The following HOOK3 variants were observed in gnomAD, a reference collection of about 807,000 sequenced individuals.
HOOK3 encodes the protein hook microtubule tethering protein 3, also known as protein Hook homolog 3.
In HOOK3, 24 loss-of-function variants were observed where a neutral mutation model predicts 116.3. The observed-to-expected ratio is 0.21, with a 90% CI of 0.15 to 0.29. HOOK3 has a LOEUF of 0.29. Ranked by LOEUF, HOOK3 falls within the 10% of genes least tolerant of loss-of-function variation. HOOK3 has a pLI of 1.00. For missense variants in HOOK3, 632 were observed against 830.2 expected, an observed-to-expected ratio of 0.76 and a Z score of 2.93; for synonymous variants, 275 against 283.0, an observed-to-expected ratio of 0.97 and a Z score of 0.28.
chr8:42,945,730 T>A (rs1393871933), intron 5 of HOOK3, among the ~76,000 whole-genome samples: 1 of 152,202 alleles, frequency 6.6e-6, no homozygotes, highest in Admixed American at 6.5e-5. Flanking sequence ...ATTTATTTTA[T>A]CAATAAATGG....
Position 42,997,657 on chromosome 8 carries a change from A to G in HOOK3, c.1620+20A>G. Reference sequence around the variant, plus strand: ...GAAGATGTAAGTTTTAATATGTACCAACGATGGTCCATCAGTTTCACAATG... The same window carrying G: ...GAAGATGTAAGTTTTAATATGTACCGACGATGGTCCATCAGTTTCACAATG... On this transcript the variant is annotated intron_variant, in intron 16 of 21. Transcript: ENST00000307602. 8.0e-7 allele frequency: 1 copy of G among 1,249,424 alleles called. No individual in the cohort carries two copies. The highest frequency in any genetic ancestry group is 1.2e-6 in the Non-Finnish European group (1 of 847,828). 77.4% of individuals were successfully genotyped at this position (1,249,424 alleles called of 1,614,324 possible). A position where few individuals can be genotyped will look rare whatever the true frequency, so the allele number is the denominator to read the frequency against.
chr8:42,954,191 A>G (rs1010640452), intron 6 of HOOK3, among the ~76,000 whole-genome samples: 1 of 152,234 alleles, frequency 6.6e-6, no homozygotes, highest in South Asian at 2.1e-4. Flanking sequence ...ATAAAAATTA[A>G]GATGAGGGAA....
intron 18 of HOOK3, 58 bp from the exon 19 acceptor site, chr8:43,010,244 ATAT>A (rs1809578373): frequency 3.0e-6 from 1 of 335,476 alleles, no homozygotes; most frequent in Non-Finnish European, 4.8e-6. Context: ...AAATTTATTT[ATAT>A]TATAACAATT....
Position 43,020,061 on chromosome 8 carries a change from C to A in HOOK3, c.*1563C>A, listed in dbSNP as rs1025138487. The A allele has an allele frequency of 1.0e-5, 2 of 197,560 alleles. No homozygotes were observed. Among genetic ancestry groups the A allele is most frequent in the Non-Finnish European group, 2.1e-5 (2 of 95,454 alleles). The allele number at this position is 197,560 out of a possible 1,614,324, so 12.2% of individuals were successfully genotyped here. On this transcript the variant is annotated 3_prime_UTR_variant, in exon 22 of 22. Transcript: ENST00000307602. ...TATTCAAGTGTTTGATTTTTAAATT[C>A]TTTCTTTCTTTTTAATAAGAAAGAT...
At chr8:42,966,960 T>A (rs1428157173) in intron 10 of HOOK3, among the ~76,000 whole-genome samples, 1 of 152,104 alleles carries the variant, frequency 6.6e-6, no homozygotes, top group Admixed American at 6.6e-5. Flanking sequence ...AAGGCCTCAT[T>A]TTCTTGCTGG....
At chr8:42,958,797 T>TC (rs1808485405) in intron 7 of HOOK3, among the ~76,000 whole-genome samples, 1 of 151,818 alleles carries the variant, frequency 6.6e-6, no homozygotes, top group African/African-American at 2.4e-5. Flanking sequence ...TGACTCTCCT[T>TC]CCCCCACCCC....
rs922919614 is a variant in HOOK3, at chr8:42,899,231, C to T, written c.57+2043C>T. ...ACAGAACCTGACAACATGAGAGAAT[C>T]TATTTAGAATCTCCTAAAATGTCAA... On this transcript the variant is annotated intron_variant, in intron 1 of 21. Transcript: ENST00000307602. Among the ~76,000 whole-genome samples the T allele has an allele frequency of 9.9e-5, 15 of 152,190 alleles. 1 individual carries two copies. Among genetic ancestry groups the T allele is most frequent in the Admixed American group, 9.8e-4 (15 of 15,280 alleles).
At chr8:42,944,899 CTG>C (rs1454429138) in intron 5 of HOOK3, among the ~76,000 whole-genome samples, 1 of 152,112 alleles carries the variant, frequency 6.6e-6, no homozygotes, top group Non-Finnish European at 1.5e-5. Flanking sequence ...AATCTGAAAA[CTG>C]TCTTTTATTT....
Position 43,010,367 on chromosome 8 carries a change from G to T in HOOK3, c.1801G>T (p.Glu601Ter). 6.7e-7 allele frequency: 1 copy of T among 1,489,576 alleles called. No homozygotes were observed. 92.3% of individuals were successfully genotyped at this position (1,489,576 alleles called of 1,614,324 possible). Residue 601 changes from glutamate to a stop codon, truncating the protein, a stop_gained, in exon 19 of 22, where the codon GAA becomes TAA. Transcript: ENST00000307602. LOFTEE classifies it high-confidence loss of function. ...RKKEEEMKQM[E>*]ERYKKYLEKA... ...GAAAGAGGAAGAAATGAAGCAAATGGAAGAACGATACAAAAAATACTTAGA... is the reference window on the plus strand; with the variant it reads ...GAAAGAGGAAGAAATGAAGCAAATGTAAGAACGATACAAAAAATACTTAGA...
chr8:42,934,342 T>A (rs374193254), intron 4 of HOOK3, among the ~76,000 whole-genome samples: 2 of 152,190 alleles, frequency 1.3e-5, no homozygotes, highest in East Asian at 3.8e-4. Flanking sequence ...TATGAATATG[T>A]TTCTCTTATC....
chr8:42,924,831 G>A (rs1252579062), intron 2 of HOOK3, among the ~76,000 whole-genome samples: 1 of 151,766 alleles, frequency 6.6e-6, no homozygotes, highest in Admixed American at 6.6e-5. Context: ...AAATTATCCA[G>A]GTGTGGTGGT....
intron 4 of HOOK3, among the ~76,000 whole-genome samples, chr8:42,939,643 G>A (rs560177096): frequency 3.3e-5 from 5 of 150,814 alleles, no homozygotes; most frequent in Admixed American, 6.6e-5. Context: ...CCTCCCTCCC[G>A]GACGGGGTGG....
At chr8:42,936,133 G>C (rs1488110355) in intron 4 of HOOK3, among the ~76,000 whole-genome samples, 1 of 152,110 alleles carries the variant, frequency 6.6e-6, no homozygotes, top group African/African-American at 2.4e-5. Context: ...GTATTCCTAG[G>C]TATTTTATTC....
intron 2 of HOOK3, among the ~76,000 whole-genome samples, chr8:42,911,268 A>G (rs1002579795): frequency 2.0e-5 from 3 of 152,190 alleles, no homozygotes; most frequent in East Asian, 3.9e-4. Flanking sequence ...CCTGACCAAC[A>G]TGGTGAAACT....
intron 6 of HOOK3, among the ~76,000 whole-genome samples, chr8:42,955,156 T>C (rs1808410651): frequency 6.6e-6 from 1 of 152,216 alleles, no homozygotes; most frequent in South Asian, 2.1e-4. Flanking sequence ...AGGTCTACTT[T>C]TATGCAGGTT....
chr8:42,938,144 T>C (rs1223699352), intron 4 of HOOK3, among the ~76,000 whole-genome samples: 1 of 152,112 alleles, frequency 6.6e-6, no homozygotes. Context: ...CGTTATGTAA[T>C]GGCCTTCTTT....
intron 9 of HOOK3, 123 bp downstream of exon 9, chr8:42,964,597 C>G (rs927919645): frequency 1.6e-4 from 122 of 781,884 alleles, no homozygotes; most frequent in Non-Finnish European, 2.3e-4. Flanking sequence ...GAGGCTGAGG[C>G]GGGCTGATCA....
chr8:43,011,024 G>T (rs185615269), intron 19 of HOOK3, among the ~76,000 whole-genome samples: 1 of 151,246 alleles, frequency 6.6e-6, no homozygotes, highest in East Asian at 1.9e-4. Flanking sequence ...ATGGAGTCTC[G>T]CTCTGTCGCC....
rs146546928 is a variant in HOOK3 at position 43,023,387 on chromosome 8, C to CTCCTTCCTTCCTTCCTTCCTTCCTTCCT, written c.*4897_*4924dup. On this transcript the variant is annotated 3_prime_UTR_variant, in exon 22 of 22. Coordinates refer to ENST00000307602, the MANE Select transcript of HOOK3 (RefSeq NM_032410.4). ...CCACTTTGCTATCTCTCCTTCCTTC[C>CTCCTTCCTTCCTTCCTTCCTTCCTTCCT]TCCTTCCTTCCTTCCTTCCTTCCTT... The CTCCTTCCTTCCTTCCTTCCTTCCTTCCT allele has an allele frequency of 6.8e-6, 1 of 146,126 alleles. No individual in the cohort carries two copies. The highest frequency in any genetic ancestry group is 1.5e-5 in the Non-Finnish European group (1 of 67,950). 9.1% of individuals were successfully genotyped at this position (146,126 alleles called of 1,614,324 possible).
Sources: allele counts gnomAD v4.1 joint callset (sites outside exome capture counted in the v4.1 genomes callset), GRCh38; gene constraint gnomAD v4.1.1; transcripts MANE v1.5; gene names NCBI Gene and HGNC (gene_info 2026-07-23, HGNC 2026-07-21).